NOS3: variants seen among roughly 807,000 people sequenced by gnomAD.
NOS3 encodes nitric oxide synthase 3.
NOS3 carries 98 observed loss-of-function variants against 144.9 expected under a neutral mutation model. The observed-to-expected ratio is 0.68, with a 90% CI of 0.57 to 0.80. The LOEUF (loss-of-function observed/expected upper bound fraction) is 0.80. NOS3 is among the 30% of genes least tolerant of loss of function. NOS3 has a pLI of 0.00. For synonymous variants in NOS3, 714 were observed against 702.4 expected, an observed-to-expected ratio of 1.02 and a Z score of -0.26; for missense variants, 1,465 against 1,656.4, an observed-to-expected ratio of 0.88 and a Z score of 2.01.
At chr7:151,008,823 G>C in intron 17 of NOS3, 107 bp from the exon 18 acceptor site, 2 of 1,315,494 alleles carry the variant, frequency 1.5e-6, no homozygotes. Flanking sequence ...TCAGCCACTG[G>C]GGCTGCCAAC....
chr7:151,003,839 A>C lies in NOS3; in HGVS notation c.1752+1535A>C, dbSNP rs1279912320. 9.6e-6 allele frequency: 4 copies of C among 417,316 alleles called. No individual in the cohort carries two copies. Among genetic ancestry groups the C allele is most frequent in the South Asian group, 3.5e-5 (2 of 57,112 alleles). The allele number at this position is 417,316 out of a possible 1,614,324, so 25.9% of individuals were successfully genotyped here. A position where few individuals can be genotyped will look rare whatever the true frequency, so the allele number is the denominator to read the frequency against. ...CTGCTGAGTGCCGTTCATTGTGTGA[A>C]TATCCCCAGTTTGTTTACCCATTCT... On this transcript the variant is annotated intron_variant, in intron 14 of 26. Transcript: ENST00000297494. This position sits in a 1 kb window ranked among gnomAD's most constrained non-coding sequence, Gnocchi z 4.1.
At chr7:150,995,133 C>G in intron 2 of NOS3, 70 bp from the exon 3 acceptor site, 1 of 848,548 alleles carries the variant, frequency 1.2e-6, no homozygotes, top group South Asian at 1.7e-5. Context: ...ACAGGGGCCT[C>G]CGGGTGACAT....
rs1795390840 is a variant in NOS3 at position 151,014,261 on chromosome 7, G to T, written c.*92G>T. On this transcript the variant is annotated 3_prime_UTR_variant, in exon 27 of 27. Coordinates refer to ENST00000297494, the MANE Select transcript of NOS3 (RefSeq NM_000603.5). ...ATCAGCCCCGCTCCTCCCCTCTTGAGGTGGTGCCTTCTCACATCTGTCCAG... is the reference window on the plus strand; with the variant it reads ...ATCAGCCCCGCTCCTCCCCTCTTGATGTGGTGCCTTCTCACATCTGTCCAG... The T allele has an allele frequency of 7.8e-7, 1 of 1,288,204 alleles. No homozygotes were observed. Among genetic ancestry groups the T allele is most frequent in the Admixed American group, 2.3e-5 (1 of 43,308 alleles). 79.8% of individuals were successfully genotyped at this position (1,288,204 alleles called of 1,614,324 possible).
At chr7:151,012,925 C>T (rs1361897781) in intron 24 of NOS3, 6 of 420,252 alleles carry the variant, frequency 1.4e-5, no homozygotes, top group Non-Finnish European at 2.6e-5. Flanking sequence ...GAAGTGGGAG[C>T]GGGGAAGGGG....
intron 23 of NOS3, chr7:151,011,801 G>A (rs1242301484): frequency 4.6e-6 from 2 of 439,368 alleles, no homozygotes; most frequent in African/African-American, 2.0e-5. Context: ...TGGGATTACA[G>A]GTGTGAGCCA....
At chr7:151,008,369 C>G (rs1309240230) in intron 17 of NOS3, among the ~76,000 whole-genome samples, 1 of 152,234 alleles carries the variant, frequency 6.6e-6, no homozygotes, top group Non-Finnish European at 1.5e-5. Context: ...CAGCAGTTTT[C>G]CAGCTGTGTG....
intron 9 of NOS3, 149 bp downstream of exon 9, chr7:150,999,513 A>C: frequency 2.4e-6 from 2 of 822,532 alleles, no homozygotes; most frequent in Non-Finnish European, 3.7e-6. Context: ...AAGCTCTAGA[A>C]CCACTGAAGC....
chr7:151,012,254 G>A, intron 23 of NOS3, 97 bp from the exon 24 acceptor site: 1 of 1,033,952 alleles, frequency 9.7e-7, no homozygotes, highest in Non-Finnish European at 1.3e-6. Flanking sequence ...TTTGAGATGG[G>A]AAGAACTTGG....
intron 5 of NOS3, 118 bp downstream of exon 5, chr7:150,997,043 C>A: frequency 8.0e-7 from 1 of 1,255,914 alleles, no homozygotes; most frequent in Non-Finnish European, 1.1e-6. Context: ...GAGATCCTTG[C>A]CTTTTCCCTT....
At chr7:151,000,189 A>G (rs916374560) in intron 9 of NOS3, among the ~76,000 whole-genome samples, 1 of 151,822 alleles carries the variant, frequency 6.6e-6, no homozygotes, top group Non-Finnish European at 1.5e-5. Context: ...TCTTTCAGGC[A>G]TAGGACCCAT....
Position 151,012,439 on chromosome 7 carries a change from T to C in NOS3, c.3073T>C (p.Trp1025Arg), listed in dbSNP as rs1308080393. ...TGGCATTGCCCCCTTCCGGGGATTC[T>C]GGCAGGAGCGGCTGCATGACATTGA... The part of the protein sequence containing the change: ...GTGIAPFRGF[W>R]QERLHDIESK... Residue 1025 changes from tryptophan (W) to arginine (R), a missense_variant, in exon 24 of 27, where the codon TGG (tryptophan) becomes CGG (arginine). Trp to Arg is a moderately radical substitution (Grantham distance 101). Transcript: ENST00000297494. 3 of 1,611,816 alleles carry C rather than the reference T, an allele frequency of 1.9e-6. No homozygotes were observed. In the South Asian group the frequency reaches 3.3e-5, roughly 18 times the overall value.
rs1795164508 is a variant in NOS3, at chr7:151,003,761, T to C, written c.1752+1457T>C. On this transcript the variant is annotated intron_variant, in intron 14 of 26. Transcript: ENST00000297494. The surrounding 1 kb of genome is among the most constrained non-coding windows in gnomAD (Gnocchi z 4.1). ...GTGTTGCGGCGTCTCCTGCTGAGGC[T>C]GTTTTTGAGGCGCACTCGTGTTGCT... 6.3e-6 allele frequency: 3 copies of C among 472,526 alleles called. No homozygotes were observed. Among genetic ancestry groups the C allele is most frequent in the Non-Finnish European group, 1.3e-5 (3 of 228,232 alleles). 29.3% of individuals were successfully genotyped at this position (472,526 alleles called of 1,614,324 possible).
rs1584896363 is a variant in NOS3, at chr7:150,995,401, AC to A, written c.270+90del. 8.5e-6 allele frequency: 7 copies of A among 828,126 alleles called. No homozygotes were observed. The East Asian group carries it at 1.9e-4, about 23-fold the overall frequency. The allele number at this position is 828,126 out of a possible 1,614,324, so 51.3% of individuals were successfully genotyped here. A position where few individuals can be genotyped will look rare whatever the true frequency, so the allele number is the denominator to read the frequency against. On this transcript the variant is annotated intron_variant, in intron 3 of 26. Transcript: ENST00000297494. ...AGATGGGGCCGGAGAGGGAAGCTCA[AC>A]CCTTCTTTGAATTGGTCCCTTGTTT... is the stretch of plus-strand genomic sequence containing the variant.
Position 150,998,886 on chromosome 7 carries a change from G to C in NOS3, c.817-60G>C. 1.9e-6 allele frequency: 3 copies of C among 1,559,994 alleles called. No individual in the cohort carries two copies. Among genetic ancestry groups the C allele is most frequent in the Non-Finnish European group, 2.6e-6 (3 of 1,153,080 alleles). On this transcript the variant is annotated intron_variant, in intron 7 of 26. Transcript: ENST00000297494. This position sits in a 1 kb window ranked among gnomAD's most constrained non-coding sequence, Gnocchi z 5.0. ...TGAAGGCAGGAGACAGTGGATGGAG[G>C]GGTCCCTGAGGAGGGCATGAGGCTC...
chr7:151,003,026 A>G lies in NOS3; in HGVS notation c.1752+722A>G, dbSNP rs1795142957. The G allele has an allele frequency of 3.4e-6, 1 of 294,476 alleles. No homozygotes were observed. Among genetic ancestry groups the G allele is most frequent in the African/African-American group, 2.3e-5 (1 of 43,618 alleles). 18.2% of individuals were successfully genotyped at this position (294,476 alleles called of 1,614,324 possible). On this transcript the variant is annotated intron_variant, in intron 14 of 26. Transcript: ENST00000297494. This position sits in a 1 kb window ranked among gnomAD's most constrained non-coding sequence, Gnocchi z 4.1. Reference sequence around the variant, plus strand: ...AATTCCTTCTCTTGCAAGCTTAGGTATCTCTGAGGTGCCCCAGGCTAGGCT... The same window carrying G: ...AATTCCTTCTCTTGCAAGCTTAGGTGTCTCTGAGGTGCCCCAGGCTAGGCT...
rs1252136717 is a variant in NOS3 at position 150,996,394 on chromosome 7, C to G, written c.271-10C>G. 1.3e-6 allele frequency: 2 copies of G among 1,510,764 alleles called. No individual in the cohort carries two copies. The highest frequency in any genetic ancestry group is 1.8e-6 in the Non-Finnish European group (2 of 1,132,886). The allele number at this position is 1,510,764 out of a possible 1,614,324, so 93.6% of individuals were successfully genotyped here. Reference sequence around the variant, plus strand: ...TGGCCTGTCCTGACCTTTGCACTCCCTCGACCCAGGATGGGCCCTGCACCC... The same window carrying G: ...TGGCCTGTCCTGACCTTTGCACTCCGTCGACCCAGGATGGGCCCTGCACCC... On this transcript the variant is annotated splice_polypyrimidine_tract_variant and intron_variant, in intron 3 of 26. Transcript: ENST00000297494.
Position 150,999,175 on chromosome 7 carries a change from C to A in NOS3, c.957-15C>A. The A allele has an allele frequency of 6.2e-7, 1 of 1,609,680 alleles. No individual in the cohort carries two copies. Among genetic ancestry groups the A allele is most frequent in the Non-Finnish European group, 8.5e-7 (1 of 1,178,730 alleles). ...CCTGCAAGGGGGTGCTGATCCCACACCCCAACACCCCCAGGCTGGAGTGGT... is the reference window on the plus strand; with the variant it reads ...CCTGCAAGGGGGTGCTGATCCCACAACCCAACACCCCCAGGCTGGAGTGGT... On this transcript the variant is annotated splice_polypyrimidine_tract_variant and intron_variant, in intron 8 of 26. Transcript: ENST00000297494.
chr7:151,010,382 G>A, intron 21 of NOS3, 95 bp downstream of exon 21: 1 of 1,277,680 alleles, frequency 7.8e-7, no homozygotes, highest in Non-Finnish European at 1.1e-6. Flanking sequence ...AGTCCCCCCT[G>A]GACTTTCTTC....
chr7:151,011,347 A>G (rs1456737458), intron 23 of NOS3, among the ~76,000 whole-genome samples: 1 of 119,492 alleles, frequency 8.4e-6, no homozygotes, highest in African/African-American at 2.7e-5. Flanking sequence ...AGGGAGAACT[A>G]CTAGTTAGGG....
Sources: gnomAD v4.1 joint callset for allele counts (sites outside exome capture counted in the v4.1 genomes callset) on GRCh38, gnomAD v4.1.1 for gene constraint, Gnocchi (gnomAD v3.1) non-coding constraint, MANE v1.5 for transcripts, NCBI Gene and HGNC (gene_info 2026-07-23, HGNC 2026-07-21) for gene names.